Variants in LRRC37A2 observed in about 807,000 individuals in gnomAD.
The protein encoded by LRRC37A2 is leucine-rich repeat-containing protein 37A2.
A neutral mutation model predicts 68.8 loss-of-function variants in LRRC37A2; 9 were observed. That is an observed-to-expected ratio of 0.13 (90% CI 0.08 to 0.23). The LOEUF is 0.23. LRRC37A2 is among the 10% of genes least tolerant of loss of function. The pLI, the probability that LRRC37A2 is intolerant of heterozygous loss-of-function variation, is 1.00. For missense variants in LRRC37A2, 168 were observed against 950.4 expected, an observed-to-expected ratio of 0.18 and a Z score of 10.82; for synonymous variants, 63 against 367.6, an observed-to-expected ratio of 0.17 and a Z score of 9.48.
At chr17:46,994,846 G>A in the LRRC37A2 span, among the ~76,000 whole-genome samples, 1 of 152,056 alleles carries the variant, frequency 6.6e-6, no homozygotes, top group Non-Finnish European at 1.5e-5. Flanking sequence ...AAAAGTCCAG[G>A]TACAGTGGCT....
the LRRC37A2 span, among the ~76,000 whole-genome samples, chr17:46,999,090 C>T: frequency 6.6e-6 from 1 of 151,996 alleles, no homozygotes; most frequent in Non-Finnish European, 1.5e-5. Context: ...CATCTGCTAC[C>T]AACACCAACG....
chr17:46,963,412 G>C, the LRRC37A2 span, among the ~76,000 whole-genome samples: 1 of 152,152 alleles, frequency 6.6e-6, no homozygotes, highest in Non-Finnish European at 1.5e-5. Context: ...GGGTGTGGTG[G>C]TGGGTGTCTG....
the LRRC37A2 span, chr17:46,851,604 G>T: frequency 8.3e-7 from 1 of 1,202,544 alleles, no homozygotes; most frequent in Non-Finnish European, 1.0e-6. The surrounding 1 kb of genome is among the most constrained non-coding windows in gnomAD (Gnocchi z 4.3). Context: ...TGAGCGGCGC[G>T]AGGAGATGCT....
At chr17:47,019,174 C>G in the LRRC37A2 span, 1 of 1,375,924 alleles carries the variant, frequency 7.3e-7, no homozygotes, top group Non-Finnish European at 1.0e-6. Context: ...CTGACTCGAG[C>G]CACAGTTCAA....
chr17:46,991,633 A>C, the LRRC37A2 span, among the ~76,000 whole-genome samples: 3 of 152,028 alleles, frequency 2.0e-5, no homozygotes, highest in Admixed American at 2.0e-4. Context: ...AATAAAATAA[A>C]ATAAAATAAA....
the LRRC37A2 span, among the ~76,000 whole-genome samples, chr17:46,961,707 C>A: frequency 6.6e-6 from 1 of 151,800 alleles, no homozygotes. Context: ...TAAAATATAA[C>A]GACATAGAAA....
the LRRC37A2 span, among the ~76,000 whole-genome samples, chr17:46,706,522 G>T: frequency 1.2e-5 from 1 of 80,088 alleles, no homozygotes; most frequent in Non-Finnish European, 2.4e-5. Context: ...ACAAAGGTTG[G>T]GGACTGCTGA....
the LRRC37A2 span, chr17:46,876,592 C>T: frequency 2.1e-5 from 34 of 1,613,138 alleles, no homozygotes; most frequent in Admixed American, 2.2e-4. Flanking sequence ...GCCTGTGCTG[C>T]GGGCGGGGCT....
At chr17:46,993,807 G>T in the LRRC37A2 span, among the ~76,000 whole-genome samples, 1 of 152,270 alleles carries the variant, frequency 6.6e-6, no homozygotes, top group South Asian at 2.1e-4. Flanking sequence ...CATGTGCCCG[G>T]GCTGACATCC....
At chr17:46,605,715 TAA>T in the LRRC37A2 span, among the ~76,000 whole-genome samples, 18 of 35,984 alleles carry the variant, frequency 5.0e-4, no homozygotes, top group Non-Finnish European at 3.6e-4. Flanking sequence ...TCCTGAAGGC[TAA>T]AAAAAAAAAA....
the LRRC37A2 span, among the ~76,000 whole-genome samples, chr17:46,752,051 C>T: frequency 6.6e-6 from 1 of 152,170 alleles, no homozygotes; most frequent in Non-Finnish European, 1.5e-5. Context: ...CAAACGGTGT[C>T]TGGGAGACTG....
chr17:46,904,484 GGA>G, the LRRC37A2 span, among the ~76,000 whole-genome samples: 15 of 150,718 alleles, frequency 1.0e-4, no homozygotes, highest in African/African-American at 3.2e-4. Flanking sequence ...ATGGATGGAT[GGA>G]TGGATGGGTG....
chr17:46,795,492 CCT>C, the LRRC37A2 span, among the ~76,000 whole-genome samples: 14 of 152,268 alleles, frequency 9.2e-5, no homozygotes, highest in African/African-American at 3.4e-4. Context: ...ACCCTCAGCC[CCT>C]GACGCCCTGT....
At chr17:46,721,092 C>A in the LRRC37A2 span, among the ~76,000 whole-genome samples, 2 of 152,192 alleles carry the variant, frequency 1.3e-5, no homozygotes, top group African/African-American at 2.4e-5. Flanking sequence ...GCCCCTAATC[C>A]CTGCGTGGCA....
the LRRC37A2 span, chr17:47,017,607 C>T: frequency 6.3e-7 from 1 of 1,597,230 alleles, no homozygotes; most frequent in Non-Finnish European, 8.5e-7. Flanking sequence ...CAAGCTGAGT[C>T]CACAGGAAAG....
the LRRC37A2 span, among the ~76,000 whole-genome samples, chr17:46,786,068 C>G: frequency 1.4e-5 from 2 of 140,938 alleles, no homozygotes; most frequent in African/African-American, 2.6e-5. Flanking sequence ...CCCACCCCCC[C>G]ACCCCTTCAT....
the LRRC37A2 span, among the ~76,000 whole-genome samples, chr17:46,494,961 G>A: frequency 2.0e-5 from 3 of 150,710 alleles, no homozygotes; most frequent in African/African-American, 7.5e-5. Context: ...GAATCAACTT[G>A]TCTTCATCCC....
At chr17:46,765,741 C>T in the LRRC37A2 span, among the ~76,000 whole-genome samples, 1 of 152,238 alleles carries the variant, frequency 6.6e-6, no homozygotes, top group Non-Finnish European at 1.5e-5. Context: ...CTCTGCTTGG[C>T]CCAGGAGCCT....
chr17:46,865,423 C>T, the LRRC37A2 span, among the ~76,000 whole-genome samples: 24 of 151,454 alleles, frequency 1.6e-4, no homozygotes, highest in African/African-American at 3.6e-4. Flanking sequence ...GGGTGGGGGA[C>T]GAGGCTGTGG....
Sources: allele counts gnomAD v4.1 joint callset (sites outside exome capture counted in the v4.1 genomes callset), GRCh38; gene constraint gnomAD v4.1.1; non-coding constraint Gnocchi (gnomAD v3.1); transcripts MANE v1.5; gene names NCBI Gene and HGNC (gene_info 2026-07-23, HGNC 2026-07-21).